Variants in FNDC3B observed in about 807,000 individuals in gnomAD.
FNDC3B encodes the protein fibronectin type III domain containing 3B.
In FNDC3B, 12 loss-of-function variants were observed where a neutral mutation model predicts 151.5. The ratio of observed to expected loss-of-function variants is 0.08; its 90% CI spans 0.05 to 0.13. The LOEUF (loss-of-function observed/expected upper bound fraction) is 0.13. Among genes scored for constraint, FNDC3B ranks in the 10% least tolerant of loss-of-function variants. The probability of loss-of-function intolerance (pLI) is 1.00; values close to 1 mark genes in which losing one functional copy is unlikely to be tolerated. For synonymous variants in FNDC3B, 528 were observed against 549.0 expected, an observed-to-expected ratio of 0.96 and a Z score of 0.54; for missense variants, 1,214 against 1,505.3, an observed-to-expected ratio of 0.81 and a Z score of 3.20.
intron 1 of FNDC3B, among the ~76,000 whole-genome samples, chr3:172,104,689 A>G (rs1719555637): frequency 6.6e-6 from 1 of 152,180 alleles, no homozygotes; most frequent in Non-Finnish European, 1.5e-5. Flanking sequence ...GTGTAGTGTT[A>G]CTGGGAAGAG....
intron 4 of FNDC3B, among the ~76,000 whole-genome samples, chr3:172,230,031 A>G (rs1241736877): frequency 6.6e-6 from 1 of 152,252 alleles, no homozygotes; most frequent in South Asian, 2.1e-4. Flanking sequence ...CTATAAACAT[A>G]AATCTAGGAA....
At chr3:172,131,444 G>A (rs1476443583) in intron 2 of FNDC3B, among the ~76,000 whole-genome samples, 2 of 151,708 alleles carry the variant, frequency 1.3e-5, no homozygotes, top group Non-Finnish European at 2.9e-5. Flanking sequence ...AGATCTTGAA[G>A]GAATTTCCTT....
chr3:172,100,362 A>C (rs1295956977), intron 1 of FNDC3B, among the ~76,000 whole-genome samples: 3 of 152,208 alleles, frequency 2.0e-5, no homozygotes, highest in Admixed American at 2.0e-4. Flanking sequence ...ATGCTTTCAA[A>C]CACTGAAATT....
At chr3:172,298,416 GTTCA>G (rs1209955776) in intron 8 of FNDC3B, among the ~76,000 whole-genome samples, 4 of 152,090 alleles carry the variant, frequency 2.6e-5, no homozygotes, top group Non-Finnish European at 4.4e-5. Flanking sequence ...TCATTTGTTT[GTTCA>G]TTCATTCATT....
intron 3 of FNDC3B, among the ~76,000 whole-genome samples, chr3:172,217,898 C>T (rs1032104307): frequency 2.0e-5 from 3 of 152,036 alleles, no homozygotes; most frequent in African/African-American, 7.2e-5. Context: ...TAACGCTGGC[C>T]TTGTGATTTG....
chr3:172,157,055 G>T (rs756238652), intron 3 of FNDC3B, among the ~76,000 whole-genome samples: 3 of 152,176 alleles, frequency 2.0e-5, no homozygotes, highest in Non-Finnish European at 4.4e-5. Context: ...TACAAGCAGT[G>T]TCATATATGA....
At chr3:172,259,758 G>T (rs534712102) in intron 6 of FNDC3B, among the ~76,000 whole-genome samples, 2 of 152,144 alleles carry the variant, frequency 1.3e-5, no homozygotes, top group Admixed American at 1.3e-4. Flanking sequence ...TTTGCCTTTT[G>T]CCCTTTCCCC....
intron 14 of FNDC3B, among the ~76,000 whole-genome samples, chr3:172,333,752 C>A (rs1391978113): frequency 6.6e-6 from 1 of 152,088 alleles, no homozygotes; most frequent in East Asian, 1.9e-4. Flanking sequence ...AGAGACACAC[C>A]AGGTGCTGGA....
chr3:172,199,146 T>C (rs149258100), intron 3 of FNDC3B, among the ~76,000 whole-genome samples: 40 of 150,868 alleles, frequency 2.7e-4, no homozygotes, highest in Middle Eastern at 3.5e-3. Flanking sequence ...ATTTTTAATA[T>C]TCCAAGGGAA....
chr3:172,292,444 C>T (rs1485296019), intron 7 of FNDC3B, among the ~76,000 whole-genome samples: 1 of 152,162 alleles, frequency 6.6e-6, no homozygotes, highest in Non-Finnish European at 1.5e-5. Flanking sequence ...TGTTGTATTT[C>T]TCTGTTCAGG....
chr3:172,212,479 T>C (rs1392571376), intron 3 of FNDC3B, among the ~76,000 whole-genome samples: 2 of 152,222 alleles, frequency 1.3e-5, no homozygotes, highest in African/African-American at 2.4e-5. Context: ...GTTGGGCTGC[T>C]TGTGGGGAGA....
At chr3:172,047,208 A>G (rs182983727) in intron 1 of FNDC3B, among the ~76,000 whole-genome samples, 11 of 152,324 alleles carry the variant, frequency 7.2e-5, no homozygotes, top group Admixed American at 6.5e-5. Context: ...TTATACATGA[A>G]CAAAGGTGGG....
At chr3:172,270,781 A>G (rs190652769) in intron 6 of FNDC3B, among the ~76,000 whole-genome samples, 5 of 152,340 alleles carry the variant, frequency 3.3e-5, no homozygotes. Context: ...GACATCTTTT[A>G]TAGATAATAC....
intron 4 of FNDC3B, among the ~76,000 whole-genome samples, chr3:172,244,617 C>CTTTTTTTTTTTTTTTTTT (rs11294678): frequency 1.4e-5 from 1 of 73,064 alleles, no homozygotes; most frequent in African/African-American, 6.3e-5. Context: ...AATATTTCAC[C>CTTTTTTTTTTTTTTTTTT]TTTTTTTTTT....
chr3:172,124,338 G>A (rs144897234), intron 2 of FNDC3B, among the ~76,000 whole-genome samples: 91 of 152,308 alleles, frequency 6.0e-4, no homozygotes, highest in Non-Finnish European at 1.6e-4. Context: ...TGATCTTCCC[G>A]CCTTGGCCTC....
chr3:172,386,962 C>T (rs1258494645), intron 25 of FNDC3B, among the ~76,000 whole-genome samples: 1 of 151,878 alleles, frequency 6.6e-6, no homozygotes, highest in African/African-American at 2.4e-5. Flanking sequence ...AGTCTTGGAG[C>T]CTCCTTTTTT....
intron 2 of FNDC3B, among the ~76,000 whole-genome samples, chr3:172,112,955 A>G (rs1318074839): frequency 6.6e-6 from 1 of 152,228 alleles, no homozygotes; most frequent in Admixed American, 6.5e-5. Flanking sequence ...GGCTTCACAC[A>G]GGAGTGATCT....
At chr3:172,377,183 T>C (rs1310603633) in intron 23 of FNDC3B, among the ~76,000 whole-genome samples, 1 of 152,226 alleles carries the variant, frequency 6.6e-6, no homozygotes, top group Non-Finnish European at 1.5e-5. Context: ...GTGGCCAACT[T>C]CCAGTATCTG....
At chr3:172,335,117 T>C in intron 15 of FNDC3B, 35 bp downstream of exon 15, 1 of 1,521,066 alleles carries the variant, frequency 6.6e-7, no homozygotes, top group Non-Finnish European at 8.8e-7. Flanking sequence ...GTTTTTTTTT[T>C]TTTTTTCTTT....
Sources: allele counts gnomAD v4.1 joint callset (sites outside exome capture counted in the v4.1 genomes callset), GRCh38; gene constraint gnomAD v4.1.1; transcripts MANE v1.5; gene names NCBI Gene and HGNC (gene_info 2026-07-23, HGNC 2026-07-21).